CCSER1: variants seen among roughly 807,000 people sequenced by gnomAD.
The protein encoded by CCSER1 is coiled-coil serine rich protein 1.
CCSER1 carries 41 observed loss-of-function variants against 82.0 expected under a neutral mutation model. The observed-to-expected ratio is 0.50, with a 90% CI of 0.39 to 0.65. The LOEUF is 0.65. CCSER1 is among the 30% of genes least tolerant of loss of function. CCSER1 has a pLI of 0.00. For synonymous variants in CCSER1, 414 were observed against 383.9 expected (o/e 1.08, Z -0.92); for missense variants, 1,119 against 1,064.2 (o/e 1.05, Z -0.72).
At chr4:90,353,855 C>T (rs1469805474) in intron 3 of CCSER1, among the ~76,000 whole-genome samples, 1 of 152,104 alleles carries the variant, frequency 6.6e-6, no homozygotes, top group Non-Finnish European at 1.5e-5. Context: ...TGCTGGAAGC[C>T]ATTATGGAAA....
At chr4:91,101,078 C>G (rs530398493) in intron 10 of CCSER1, among the ~76,000 whole-genome samples, 1 of 152,154 alleles carries the variant, frequency 6.6e-6, no homozygotes, top group South Asian at 2.1e-4. Context: ...GGGGAGCCAG[C>G]TTCTGACAGA....
chr4:91,218,096 A>AGGTCCCGAGCCCTGCC (rs1349393991), intron 10 of CCSER1, among the ~76,000 whole-genome samples: 2 of 152,224 alleles, frequency 1.3e-5, no homozygotes, highest in Non-Finnish European at 2.9e-5. Context: ...GGAGGGCTGC[A>AGGTCCCGAGCCCTGCC]GGTCCCGAGC....
rs71596536 is a variant in CCSER1 at position 90,905,358 on chromosome 4, C to CTACACACACA, written c.2095-18012_2095-18011insTACACACACA. 7.0e-3 allele frequency among the ~76,000 whole-genome samples: 1,056 copies of CTACACACACA among 150,444 alleles called. 13 individuals are homozygous for CTACACACACA. Among genetic ancestry groups the CTACACACACA allele is most frequent in the African/African-American group, 0.025 (1,027 of 41,040 alleles). On this transcript the variant is annotated intron_variant, in intron 8 of 10. Coordinates refer to ENST00000509176, the MANE Select transcript of CCSER1 (RefSeq NM_001145065.2). ...CCTTGCTCACTACGTTCTAGTCACA[C>CTACACACACA]CACACACACACACACACACACACAC...
intron 10 of CCSER1, among the ~76,000 whole-genome samples, chr4:91,300,709 A>T (rs1280005079): frequency 6.6e-6 from 1 of 151,898 alleles, no homozygotes; most frequent in African/African-American, 2.4e-5. Context: ...CTGAAAAAAA[A>T]TGGGAGAAGT....
At chr4:90,404,359 C>G (rs373465083) in intron 4 of CCSER1, among the ~76,000 whole-genome samples, 1 of 152,106 alleles carries the variant, frequency 6.6e-6, no homozygotes, top group African/African-American at 2.4e-5. Flanking sequence ...ATCCCTACCC[C>G]CACCTGGTGG....
chr4:90,897,830 G>A (rs1723951388), intron 8 of CCSER1, among the ~76,000 whole-genome samples: 1 of 151,996 alleles, frequency 6.6e-6, no homozygotes, highest in South Asian at 2.1e-4. Context: ...TGACTGGTTT[G>A]AGATGGTATC....
chr4:90,927,925 G>C (rs1441788785), intron 9 of CCSER1, among the ~76,000 whole-genome samples: 1 of 151,976 alleles, frequency 6.6e-6, no homozygotes, highest in Non-Finnish European at 1.5e-5. Context: ...ATTAAGCCCT[G>C]TTCTAAGAAT....
At chr4:91,347,214 AG>A (rs1419519933) in intron 10 of CCSER1, among the ~76,000 whole-genome samples, 1 of 152,124 alleles carries the variant, frequency 6.6e-6, no homozygotes, top group African/African-American at 2.4e-5. Context: ...GTGGATTTTG[AG>A]TTTCAGCACC....
intron 7 of CCSER1, among the ~76,000 whole-genome samples, chr4:90,795,660 G>A (rs1755905961): frequency 6.6e-6 from 1 of 152,218 alleles, no homozygotes; most frequent in East Asian, 1.9e-4. Context: ...TTATTTTTAG[G>A]TATGTTCCTT....
chr4:90,764,503 A>G (rs1226805759), intron 7 of CCSER1, among the ~76,000 whole-genome samples: 1 of 152,158 alleles, frequency 6.6e-6, no homozygotes, highest in South Asian at 2.1e-4. Context: ...ATCAATTGTC[A>G]CCCAATAATG....
Position 91,599,005 on chromosome 4 carries a change from A to C in CCSER1, c.2651A>C (p.His884Pro), listed in dbSNP as rs567846224. Residue 884 changes from histidine to proline, a missense_variant, in exon 11 of 11, where the codon CAC (histidine) becomes CCC (proline). Coordinates refer to ENST00000509176, the MANE Select transcript of CCSER1 (RefSeq NM_001145065.2). Reference sequence around the variant, plus strand: ...TACAGCAGGAAGAATGTGTTTCTCCACCACAATTTACACAGCACTGAGCTG... The same window carrying C: ...TACAGCAGGAAGAATGTGTTTCTCCCCCACAATTTACACAGCACTGAGCTG... ...HMYSRKNVFLHHNLHSTELQT... is the reference protein window; with the variant it reads ...HMYSRKNVFLPHNLHSTELQT... The C allele has an allele frequency of 6.4e-7, 1 of 1,551,472 alleles. No individual in the cohort carries two copies. Among genetic ancestry groups the C allele is most frequent in the African/African-American group, 1.4e-5 (1 of 73,158 alleles).
At chr4:90,813,824 G>A (rs574286252) in intron 7 of CCSER1, among the ~76,000 whole-genome samples, 2 of 152,234 alleles carry the variant, frequency 1.3e-5, no homozygotes, top group South Asian at 4.1e-4. Flanking sequence ...CAGGCACATG[G>A]TGCAAGCTGT....
chr4:90,794,800 G>A (rs1420402582), intron 7 of CCSER1, among the ~76,000 whole-genome samples: 1 of 152,118 alleles, frequency 6.6e-6, no homozygotes, highest in Non-Finnish European at 1.5e-5. Flanking sequence ...CTATCTATGA[G>A]CATGGAATGT....
intron 1 of CCSER1, among the ~76,000 whole-genome samples, chr4:90,294,024 A>G (rs978854745): frequency 2.0e-5 from 3 of 152,070 alleles, no homozygotes; most frequent in Non-Finnish European, 2.9e-5. Flanking sequence ...CTTATGGCTC[A>G]CTGCCATTTT....
At chr4:91,081,041 C>G (rs1722660061) in intron 9 of CCSER1, among the ~76,000 whole-genome samples, 1 of 152,132 alleles carries the variant, frequency 6.6e-6, no homozygotes, top group African/African-American at 2.4e-5. Context: ...AGAGGGAATC[C>G]TCCCTAACTC....
At chr4:90,948,927 AG>A (rs1732583380) in intron 9 of CCSER1, among the ~76,000 whole-genome samples, 1 of 152,098 alleles carries the variant, frequency 6.6e-6, no homozygotes, top group African/African-American at 2.4e-5. Context: ...AGAGTCTAGC[AG>A]GATATGTAGG....
At chr4:90,954,456 G>A (rs1733226866) in intron 9 of CCSER1, among the ~76,000 whole-genome samples, 4 of 151,756 alleles carry the variant, frequency 2.6e-5, no homozygotes, top group African/African-American at 9.7e-5. Context: ...CTAGGTATTT[G>A]TTTCATAAAA....
chr4:90,610,787 T>G (rs1455226709), intron 5 of CCSER1, among the ~76,000 whole-genome samples: 4 of 152,026 alleles, frequency 2.6e-5, no homozygotes, highest in Non-Finnish European at 5.9e-5. Flanking sequence ...AGCGCTAGAG[T>G]GTACAGAAGG....
intron 3 of CCSER1, among the ~76,000 whole-genome samples, chr4:90,333,929 T>A (rs576660744): frequency 6.6e-6 from 1 of 152,230 alleles, no homozygotes; most frequent in South Asian, 2.1e-4. Context: ...GCAAGTTACC[T>A]TTTAACTTCA....
Sources: gnomAD v4.1 joint callset for allele counts (sites outside exome capture counted in the v4.1 genomes callset) on GRCh38, gnomAD v4.1.1 for gene constraint, MANE v1.5 for transcripts, NCBI Gene and HGNC (gene_info 2026-07-23, HGNC 2026-07-21) for gene names.